The following DCAF6 variants were observed in gnomAD, a reference collection of about 807,000 sequenced individuals.
DCAF6 encodes the protein DDB1 and CUL4 associated factor 6.
DCAF6 carries 54 observed loss-of-function variants against 125.1 expected under a neutral mutation model. The observed-to-expected ratio is 0.43, with a 90% CI of 0.35 to 0.54. DCAF6 has a LOEUF of 0.54. Among genes scored for constraint, DCAF6 ranks in the 20% least tolerant of loss-of-function variants. The pLI is 0.01. For missense variants in DCAF6, 934 were observed against 1,161.7 expected (o/e 0.80, Z 2.85); for synonymous variants, 371 against 390.4 (o/e 0.95, Z 0.58).
chr1:167,875,157 T>C, the DCAF6 span: 1 of 1,614,188 alleles, frequency 6.2e-7, no homozygotes, highest in South Asian at 1.1e-5. Context: ...CTCCTTTCTG[T>C]TGCAGATGAG....
intron 7 of DCAF6, among the ~76,000 whole-genome samples, chr1:167,993,755 AAACAAC>A (rs34875817): frequency 0.11 from 16,273 of 151,602 alleles, 959 homozygotes; most frequent in African/African-American, 0.15. Context: ...GTCTCAGAAA[AAACAAC>A]AACAACAACA....
intron 11 of DCAF6, among the ~76,000 whole-genome samples, chr1:168,022,538 C>G (rs555362471): frequency 6.6e-6 from 1 of 152,246 alleles, no homozygotes; most frequent in African/African-American, 2.4e-5. Flanking sequence ...GCTCCTTGTT[C>G]AGCCCACAGT....
At chr1:168,064,696 GAAGAT>G (rs1692107084) in intron 18 of DCAF6, among the ~76,000 whole-genome samples, 1 of 152,172 alleles carries the variant, frequency 6.6e-6, no homozygotes, top group Non-Finnish European at 1.5e-5. Flanking sequence ...TGAGAAAAGA[GAAGAT>G]AAGTAAATTT....
the DCAF6 span, among the ~76,000 whole-genome samples, chr1:167,881,542 G>A: frequency 6.6e-6 from 1 of 152,208 alleles, no homozygotes; most frequent in East Asian, 1.9e-4. Context: ...GAAGCAGGGA[G>A]CTTTTGCCTG....
intron 17 of DCAF6, among the ~76,000 whole-genome samples, chr1:168,057,760 C>G (rs1691073932): frequency 6.6e-6 from 1 of 152,146 alleles, no homozygotes; most frequent in Admixed American, 6.5e-5. Flanking sequence ...TTAAGGACCC[C>G]TAATCTAACC....
Position 168,044,998 on chromosome 1 carries a change from G to C in DCAF6, c.2029G>C (p.Ala677Pro). 6.2e-7 allele frequency: 1 copy of C among 1,614,088 alleles called. No homozygotes were observed. The change falls in exon 16 of 22, where the codon GCT (alanine) becomes CCT (proline). Residue 677 changes from alanine (A) to proline (P), a missense_variant. By Grantham distance (27) the Ala-to-Pro change is conservative. This residue lies in a region of DCAF6 where 559 missense variants were observed against 635.5 expected (regional missense o/e 0.88). Transcript: ENST00000367840. ...DRSCGVPEES[A>P]SSEKAKEPET... The stretch of plus-strand genomic sequence containing the variant: ...CTCTTGTGGGGTTCCAGAAGAATCT[G>C]CTTCATCTGAAAAAGCCAAGGAACC...
chr1:168,058,264 T>C (rs116150926), intron 17 of DCAF6, among the ~76,000 whole-genome samples: 2,836 of 152,356 alleles, frequency 0.019, 78 homozygotes, highest in African/African-American at 0.065. Flanking sequence ...GTATTAACAG[T>C]GCTGCTTTGA....
the DCAF6 span, among the ~76,000 whole-genome samples, chr1:167,912,140 T>G: frequency 6.6e-6 from 1 of 152,238 alleles, no homozygotes; most frequent in Admixed American, 6.5e-5. Context: ...CACATTGTAA[T>G]TATAATTTAT....
intron 15 of DCAF6, 91 bp downstream of exon 15, chr1:168,044,762 A>T: frequency 7.1e-7 from 1 of 1,408,526 alleles, no homozygotes; most frequent in Non-Finnish European, 9.9e-7. Context: ...GCCATGTTCA[A>T]GTGTATTGTG....
At chr1:168,062,226 A>G (rs895566366) in intron 17 of DCAF6, among the ~76,000 whole-genome samples, 1 of 152,140 alleles carries the variant, frequency 6.6e-6, no homozygotes, top group Non-Finnish European at 1.5e-5. Flanking sequence ...AAGTCAGAAT[A>G]ATGGTTTCCT....
At chr1:167,867,384 T>C in the DCAF6 span, among the ~76,000 whole-genome samples, 5 of 152,320 alleles carry the variant, frequency 3.3e-5, no homozygotes, top group African/African-American at 9.6e-5. Context: ...ACTTGTACAG[T>C]AAGGACTTCA....
chr1:167,871,064 CTTGTTTTTTT>C, the DCAF6 span, among the ~76,000 whole-genome samples: 1 of 151,834 alleles, frequency 6.6e-6, no homozygotes, highest in African/African-American at 2.4e-5. Context: ...AACCCTAAAG[CTTGTTTTTTT>C]TTGTTTTTTG....
At chr1:167,993,172 A>T in intron 6 of DCAF6, 54 bp from the exon 7 acceptor site, 1 of 1,452,910 alleles carries the variant, frequency 6.9e-7, no homozygotes, top group Non-Finnish European at 9.4e-7. Flanking sequence ...GTTTTAAAAA[A>T]TGTTTTTCTT....
intron 1 of DCAF6, among the ~76,000 whole-genome samples, chr1:167,949,502 A>C (rs1393074718): frequency 6.6e-6 from 1 of 152,178 alleles, no homozygotes; most frequent in African/African-American, 2.4e-5. Flanking sequence ...TAAAAGATTT[A>C]GGTTCCCCAA....
At chr1:167,949,960 T>C (rs1673669465) in intron 1 of DCAF6, among the ~76,000 whole-genome samples, 1 of 152,226 alleles carries the variant, frequency 6.6e-6, no homozygotes. Context: ...CAATAAATTT[T>C]ATCTCCAAAG....
chr1:167,873,666 G>A, the DCAF6 span, among the ~76,000 whole-genome samples: 1 of 151,918 alleles, frequency 6.6e-6, no homozygotes, highest in Non-Finnish European at 1.5e-5. Flanking sequence ...TTACAATAAG[G>A]TCCCTATCAC....
intron 1 of DCAF6, among the ~76,000 whole-genome samples, chr1:167,951,113 T>C (rs1387485365): frequency 6.6e-6 from 1 of 152,216 alleles, no homozygotes; most frequent in African/African-American, 2.4e-5. Flanking sequence ...TTATTGTTTT[T>C]CTCCTCTCAT....
At chr1:167,917,589 C>A in the DCAF6 span, 2 of 142,276 alleles carry the variant, frequency 1.4e-5, no homozygotes, top group African/African-American at 2.7e-5. Context: ...CAGAGCGAGA[C>A]CCTGTCTCAA....
intron 7 of DCAF6, among the ~76,000 whole-genome samples, chr1:167,997,126 G>A (rs1481256502): frequency 6.6e-6 from 1 of 152,078 alleles, no homozygotes; most frequent in Admixed American, 6.6e-5. Flanking sequence ...AATATTTGGT[G>A]AATGAAACGC....
Sources: gnomAD v4.1 joint callset for allele counts (sites outside exome capture counted in the v4.1 genomes callset) on GRCh38, gnomAD v4.1.1 for gene constraint, gnomAD v4.1.1 regional missense constraint, MANE v1.5 for transcripts, NCBI Gene and HGNC (gene_info 2026-07-23, HGNC 2026-07-21) for gene names.